Variants in TRAPPC10 observed in about 807,000 individuals in gnomAD.
TRAPPC10 encodes TRAPP 130 kDa subunit.
A neutral mutation model predicts 125.5 loss-of-function variants in TRAPPC10; 23 were observed. The ratio of observed to expected loss-of-function variants is 0.18; its 90% CI spans 0.13 to 0.26. The LOEUF (loss-of-function observed/expected upper bound fraction) is 0.26, where lower values mean the gene tolerates loss of function less well. TRAPPC10 is among the 10% of genes least tolerant of loss of function. The probability of loss-of-function intolerance (pLI) is 1.00; values close to 1 mark genes in which losing one functional copy is unlikely to be tolerated. For synonymous variants in TRAPPC10, 509 were observed against 518.0 expected (o/e 0.98, Z 0.24); for missense variants, 1,123 against 1,308.4 (o/e 0.86, Z 2.19).
intron 6 of TRAPPC10, among the ~76,000 whole-genome samples, chr21:44,061,608 T>G (rs1015893686): frequency 6.6e-6 from 1 of 152,180 alleles, no homozygotes; most frequent in Non-Finnish European, 1.5e-5. Context: ...AAAATAGATT[T>G]ATTTAGCAAA....
At chr21:44,017,612 G>A (rs2032016265) in intron 1 of TRAPPC10, among the ~76,000 whole-genome samples, 1 of 151,884 alleles carries the variant, frequency 6.6e-6, no homozygotes, top group South Asian at 2.1e-4. Flanking sequence ...TATATAAGTT[G>A]GAAGAAAAAA....
At chr21:44,070,561 C>A (rs1291840800) in intron 7 of TRAPPC10, among the ~76,000 whole-genome samples, 7 of 152,190 alleles carry the variant, frequency 4.6e-5, no homozygotes, top group African/African-American at 1.7e-4. Context: ...GCAGATGCCA[C>A]CATAGAGGCA....
chr21:44,095,190 GGCAC>G (rs1303314235), intron 20 of TRAPPC10, among the ~76,000 whole-genome samples: 6 of 150,476 alleles, frequency 4.0e-5, no homozygotes, highest in Admixed American at 4.0e-4. Context: ...TGGGACCACA[GGCAC>G]GTGTCACCAC....
chr21:44,066,607 A>G (rs919750842), intron 7 of TRAPPC10, among the ~76,000 whole-genome samples: 12 of 152,320 alleles, frequency 7.9e-5, no homozygotes, highest in African/African-American at 2.9e-4. Flanking sequence ...AGACAAATAT[A>G]CGAAGAAAAT....
At chr21:44,071,510 A>G (rs995537148) in intron 7 of TRAPPC10, among the ~76,000 whole-genome samples, 1 of 152,128 alleles carries the variant, frequency 6.6e-6, no homozygotes, top group African/African-American at 2.4e-5. Context: ...CAGGCCCTCT[A>G]AAGTATAGAG....
Position 44,047,532 on chromosome 21 carries a change from A to ATGTGTGTGTGTGTG in TRAPPC10, c.286-4727_286-4714dup, listed in dbSNP as rs33940679. Among the ~76,000 whole-genome samples, 1,350 of 142,862 alleles carry ATGTGTGTGTGTGTG rather than the reference A, an allele frequency of 9.4e-3. 14 individuals are homozygous for ATGTGTGTGTGTGTG. Among genetic ancestry groups the ATGTGTGTGTGTGTG allele is most frequent in the African/African-American group, 0.03 (1,086 of 36,616 alleles). The allele number at this position is 142,862 out of a possible 152,430, so 93.7% of individuals were successfully genotyped here. A position where few individuals can be genotyped will look rare whatever the true frequency, so the allele number is the denominator to read the frequency against. On this transcript the variant is annotated intron_variant, in intron 3 of 22. Transcript: ENST00000291574. The stretch of plus-strand genomic sequence containing the variant: ...TCTGTTGCACCCTCTCTGGGGGAGT[A>ATGTGTGTGTGTGTG]TGTGTGTGTGTGTGTGTGTGTGTGT...
At chr21:44,050,927 C>G (rs983223435) in intron 3 of TRAPPC10, among the ~76,000 whole-genome samples, 1 of 151,890 alleles carries the variant, frequency 6.6e-6, no homozygotes, top group Non-Finnish European at 1.5e-5. Flanking sequence ...TTTTTGGAGA[C>G]GCAGTCTCGC....
chr21:44,036,992 G>A (rs1164436681), intron 2 of TRAPPC10, among the ~76,000 whole-genome samples: 6 of 152,110 alleles, frequency 3.9e-5, no homozygotes, highest in African/African-American at 7.2e-5. Context: ...AACTAGAGCC[G>A]GCAAGTAGAA....
intron 1 of TRAPPC10, among the ~76,000 whole-genome samples, chr21:44,030,371 A>C (rs2147250282): frequency 6.6e-6 from 1 of 152,320 alleles, no homozygotes; most frequent in South Asian, 2.1e-4. Context: ...TTAATCTTGG[A>C]ACTGTTTAAC....
intron 3 of TRAPPC10, among the ~76,000 whole-genome samples, chr21:44,043,609 T>C (rs751472749): frequency 6.6e-6 from 1 of 152,174 alleles, no homozygotes; most frequent in African/African-American, 2.4e-5. Context: ...CCAAATTTAT[T>C]TTCTGAAGAT....
intron 2 of TRAPPC10, among the ~76,000 whole-genome samples, chr21:44,034,181 C>T (rs2033805785): frequency 6.6e-6 from 1 of 152,136 alleles, no homozygotes; most frequent in African/African-American, 2.4e-5. Flanking sequence ...AGGGGAATTT[C>T]TGACAAGGGA....
Position 44,063,292 on chromosome 21 carries a change from C to A in TRAPPC10, c.791-246C>A. On this transcript the variant is annotated intron_variant, in intron 6 of 22. Coordinates refer to ENST00000291574, the MANE Select transcript of TRAPPC10 (RefSeq NM_003274.5). This position sits in a 1 kb window ranked among gnomAD's most constrained non-coding sequence, Gnocchi z 4.4. ...TCTCTGGGTGACTTCCCAACCTGTT[C>A]AGCTCCCGCCCATGACTTTCTGGGC... 8.4e-7 allele frequency: 1 copy of A among 1,184,442 alleles called. No homozygotes were observed. The highest frequency in any genetic ancestry group is 1.1e-6 in the Non-Finnish European group (1 of 899,696). The allele number at this position is 1,184,442 out of a possible 1,614,324, so 73.4% of individuals were successfully genotyped here. A position where few individuals can be genotyped will look rare whatever the true frequency, so the allele number is the denominator to read the frequency against.
chr21:44,062,759 G>A (rs1330923404), intron 6 of TRAPPC10: 12 of 985,338 alleles, frequency 1.2e-5, no homozygotes, highest in Non-Finnish European at 1.4e-5. Flanking sequence ...TGCGCTCCCC[G>A]GGTCTGAGGA....
At chr21:44,034,609 G>A (rs2033850121) in intron 2 of TRAPPC10, among the ~76,000 whole-genome samples, 1 of 152,152 alleles carries the variant, frequency 6.6e-6, no homozygotes, top group Non-Finnish European at 1.5e-5. Context: ...TAAAATTTGG[G>A]AAAGAAATGT....
intron 5 of TRAPPC10, among the ~76,000 whole-genome samples, chr21:44,057,581 G>A (rs939983596): frequency 7.2e-5 from 11 of 152,066 alleles, no homozygotes; most frequent in African/African-American, 2.4e-4. Context: ...CACTGCACCC[G>A]GCCTGAGCTG....
In TRAPPC10 at chr21:44,063,662, T is replaced by A. The variant is rs138678297; in HGVS notation, c.915T>A (p.Asp305Glu). The A allele has an allele frequency of 6.0e-4, 973 of 1,614,210 alleles. 7 individuals carry two copies. In the African/African-American group the frequency reaches 0.011, roughly 18 times the overall value. ...SIQRREATLLDLRSYLFSRQC... is the reference protein window; with the variant it reads ...SIQRREATLLELRSYLFSRQC... ...AGAGGCGAGAAGCCACCCTGTTAGA[T>A]CTGCGCAGTTACCTGTTCTCTCGCC... Residue 305 changes from aspartate (D) to glutamate (E), a missense_variant, in exon 7 of 23, where the codon GAT (aspartate) becomes GAA (glutamate). Asp to Glu is a conservative substitution (Grantham distance 45, BLOSUM62 2). Around this residue, in one of 4 missense-constraint regions of TRAPPC10, gnomAD observed 91 missense variants for 127.1 expected, o/e 0.72. Coordinates refer to ENST00000291574, the MANE Select transcript of TRAPPC10 (RefSeq NM_003274.5). This position sits in a 1 kb window ranked among gnomAD's most constrained non-coding sequence, Gnocchi z 4.4.
At chr21:44,013,092 G>A (rs934296670) in intron 1 of TRAPPC10, among the ~76,000 whole-genome samples, 1 of 152,160 alleles carries the variant, frequency 6.6e-6, no homozygotes, top group Non-Finnish European at 1.5e-5. Flanking sequence ...ACACTTCCCC[G>A]CCGCGCACTC....
chr21:44,057,738 T>A (rs1485658647), intron 5 of TRAPPC10, among the ~76,000 whole-genome samples: 2 of 152,234 alleles, frequency 1.3e-5, no homozygotes, highest in Non-Finnish European at 2.9e-5. Context: ...GCAGTTTCTC[T>A]TGCAAAACAC....
chr21:44,014,215 A>G (rs951769439), intron 1 of TRAPPC10, among the ~76,000 whole-genome samples: 2 of 152,222 alleles, frequency 1.3e-5, no homozygotes, highest in Admixed American at 6.5e-5. Flanking sequence ...AACCATAACT[A>G]AAGGGGTAAA....
Sources: gnomAD v4.1 joint callset for allele counts (sites outside exome capture counted in the v4.1 genomes callset) on GRCh38, gnomAD v4.1.1 for gene constraint, gnomAD v4.1.1 regional missense constraint, Gnocchi (gnomAD v3.1) non-coding constraint, MANE v1.5 for transcripts, NCBI Gene and HGNC (gene_info 2026-07-23, HGNC 2026-07-21) for gene names.